The following MARCHF1 variants were observed in gnomAD, a reference collection of about 807,000 sequenced individuals.
MARCHF1 encodes membrane associated ring-CH-type finger 1.
Under a neutral mutation model 54.2 loss-of-function variants are expected in MARCHF1, and 40 were observed. That is an observed-to-expected ratio of 0.74 (90% CI 0.57 to 0.96). The LOEUF (loss-of-function observed/expected upper bound fraction) is 0.96, where lower values mean the gene tolerates loss of function less well. MARCHF1 is among the 40% of genes least tolerant of loss of function. The pLI is 0.00. For synonymous variants in MARCHF1, 236 were observed against 236.3 expected (o/e 1.00, Z 0.01); for missense variants, 586 against 656.5 (o/e 0.89, Z 1.17).
intron 1 of MARCHF1, among the ~76,000 whole-genome samples, chr4:164,351,060 TA>T (rs1406243761): frequency 6.6e-6 from 1 of 152,134 alleles, no homozygotes; most frequent in East Asian, 1.9e-4. Context: ...CAGACCAGCT[TA>T]AAAAACGGCG....
At chr4:164,243,446 C>A (rs1317944898) in intron 1 of MARCHF1, among the ~76,000 whole-genome samples, 3 of 151,396 alleles carry the variant, frequency 2.0e-5, no homozygotes, top group African/African-American at 7.3e-5. Context: ...TTTGTCACCA[C>A]CAGGAAGGAA....
intron 8 of MARCHF1, among the ~76,000 whole-genome samples, chr4:163,580,055 CTTAT>C (rs1416091033): frequency 3.2e-5 from 4 of 125,624 alleles, no homozygotes; most frequent in East Asian, 2.0e-4. Flanking sequence ...TTTGTAGAGC[CTTAT>C]TTATTATTTA....
chr4:163,714,855 TA>T (rs1283348825), intron 4 of MARCHF1, among the ~76,000 whole-genome samples: 1 of 152,046 alleles, frequency 6.6e-6, no homozygotes, highest in African/African-American at 2.4e-5. Context: ...AAAAACTTTT[TA>T]TTTTTTGTGG....
intron 1 of MARCHF1, among the ~76,000 whole-genome samples, chr4:164,256,711 G>A (rs1018555160): frequency 1.3e-5 from 2 of 152,150 alleles, no homozygotes; most frequent in African/African-American, 4.8e-5. Flanking sequence ...GCTTAAGAAT[G>A]TGTACAAGAG....
At chr4:163,995,583 C>A (rs914487190) in intron 2 of MARCHF1, among the ~76,000 whole-genome samples, 1 of 152,038 alleles carries the variant, frequency 6.6e-6, no homozygotes, top group Non-Finnish European at 1.5e-5. Context: ...GCAAAAAAGA[C>A]ATCACTTTGG....
At chr4:163,546,697 TA>T (rs1667143282) in intron 8 of MARCHF1, among the ~76,000 whole-genome samples, 2 of 152,296 alleles carry the variant, frequency 1.3e-5, no homozygotes, top group Middle Eastern at 3.4e-3. Context: ...GCTGCTACCG[TA>T]AGGGTTGTAA....
chr4:164,312,976 T>C lies in MARCHF1; in HGVS notation c.-323+70894A>G, dbSNP rs151095689. 6.3e-3 allele frequency among the ~76,000 whole-genome samples: 964 copies of C among 152,080 alleles called. 28 individuals are homozygous for C. The highest frequency in any genetic ancestry group is 0.053 in the Admixed American group (804 of 15,278). ...TCTGAAAGTCAGTACTCACTCTCAA[T>C]GCTAAGGATGTTGGCATTAAGGATG... On this transcript the variant is annotated intron_variant, in intron 1 of 9. Coordinates refer to ENST00000514618, the MANE Select transcript of MARCHF1 (RefSeq NM_001394959.1).
intron 1 of MARCHF1, among the ~76,000 whole-genome samples, chr4:164,285,429 G>T (rs1734117711): frequency 6.6e-6 from 1 of 151,882 alleles, no homozygotes; most frequent in African/African-American, 2.4e-5. Context: ...AAACAAAAAT[G>T]TTTAATTTAA....
chr4:163,813,171 G>T (rs909537497), intron 4 of MARCHF1, among the ~76,000 whole-genome samples: 1 of 152,104 alleles, frequency 6.6e-6, no homozygotes, highest in Non-Finnish European at 1.5e-5. Context: ...CACTTCCAGT[G>T]GTTTTCTGAA....
intron 3 of MARCHF1, among the ~76,000 whole-genome samples, chr4:163,910,376 G>A (rs1751163759): frequency 6.6e-6 from 1 of 152,080 alleles, no homozygotes; most frequent in Non-Finnish European, 1.5e-5. Context: ...CTAAATCCAA[G>A]TGGCTTCAAC....
At chr4:164,359,362 A>G (rs563223673) in intron 1 of MARCHF1, among the ~76,000 whole-genome samples, 1 of 152,200 alleles carries the variant, frequency 6.6e-6, no homozygotes, top group Non-Finnish European at 1.5e-5. Context: ...ACTTCAGCAG[A>G]TCTGTCTGAA....
chr4:164,232,767 T>A (rs1216783318), intron 1 of MARCHF1, among the ~76,000 whole-genome samples: 1 of 146,042 alleles, frequency 6.8e-6, no homozygotes, highest in Admixed American at 7.0e-5. Context: ...GGTTAAAGAG[T>A]ATTTAAGTTA....
At chr4:164,220,577 T>G (rs1732070306) in intron 1 of MARCHF1, among the ~76,000 whole-genome samples, 1 of 145,506 alleles carries the variant, frequency 6.9e-6, no homozygotes, top group South Asian at 2.1e-4. Flanking sequence ...ATATATGTAA[T>G]ACATATGATA....
In MARCHF1 at chr4:163,623,570, T is replaced by C. The variant is rs1446518557; in HGVS notation, c.163-10177A>G. Reference sequence around the variant, plus strand: ...CACCTCTAGGGACAACTCTCAATAATGGGGTCTGAGAGCTTGTGGATAAGA... The same window carrying C: ...CACCTCTAGGGACAACTCTCAATAACGGGGTCTGAGAGCTTGTGGATAAGA... On this transcript the variant is annotated intron_variant, in intron 5 of 9. Transcript: ENST00000514618. Among the ~76,000 whole-genome samples, 10 of 152,286 alleles carry C rather than the reference T, an allele frequency of 6.6e-5. No homozygotes were observed. The East Asian group carries it at 1.4e-3, about 21-fold the overall frequency.
chr4:163,555,395 T>G (rs1739249421), intron 8 of MARCHF1, among the ~76,000 whole-genome samples: 1 of 152,140 alleles, frequency 6.6e-6, no homozygotes, highest in South Asian at 2.1e-4. Flanking sequence ...TGAATATACT[T>G]TCACCTCCTT....
chr4:163,641,998 C>A (rs987404341), intron 5 of MARCHF1, among the ~76,000 whole-genome samples: 3 of 152,106 alleles, frequency 2.0e-5, no homozygotes, highest in Non-Finnish European at 2.9e-5. Flanking sequence ...CTCTCACAAA[C>A]CTCCATCTCC....
At chr4:163,828,939 T>C (rs1748936193) in intron 4 of MARCHF1, 1 of 152,202 alleles carries the variant, frequency 6.6e-6, no homozygotes, top group Non-Finnish European at 1.5e-5. Flanking sequence ...GTCCCCTTGA[T>C]TGAAGGTCTC....
rs1406673334 is a variant in MARCHF1, at chr4:164,026,423, G to T, written c.-247-37714C>A. ...ACTTGCTTCCTGGGATGCAAGACTT[G>T]TTCAGCAAATACAAATAAATAAATG... is the stretch of plus-strand genomic sequence containing the variant. On this transcript the variant is annotated intron_variant, in intron 2 of 9. Transcript: ENST00000514618. 3.3e-5 allele frequency among the ~76,000 whole-genome samples: 5 copies of T among 152,226 alleles called. No individual in the cohort carries two copies. The East Asian group carries it at 7.7e-4, about 24-fold the overall frequency.
At chr4:163,715,371 G>A (rs984302815) in intron 4 of MARCHF1, among the ~76,000 whole-genome samples, 3 of 152,022 alleles carry the variant, frequency 2.0e-5, no homozygotes, top group Non-Finnish European at 2.9e-5. Context: ...TCAGCCTCCC[G>A]AGTAGCTGGG....
Sources: allele counts gnomAD v4.1 joint callset (sites outside exome capture counted in the v4.1 genomes callset), GRCh38; gene constraint gnomAD v4.1.1; transcripts MANE v1.5; gene names NCBI Gene and HGNC (gene_info 2026-07-23, HGNC 2026-07-21).